The following GABRB1 variants were observed in gnomAD, a reference collection of about 807,000 sequenced individuals.
The protein encoded by GABRB1 is gamma-aminobutyric acid receptor subunit beta-1.
A neutral mutation model predicts 51.6 loss-of-function variants in GABRB1; 17 were observed. The observed-to-expected ratio is 0.33, with a 90% CI of 0.23 to 0.49. The LOEUF (loss-of-function observed/expected upper bound fraction) is 0.49. Among genes scored for constraint, GABRB1 ranks in the 20% least tolerant of loss-of-function variants. The pLI is 0.99. For synonymous variants in GABRB1, 247 were observed against 218.9 expected (o/e 1.13, Z -1.14); for missense variants, 410 against 600.6 (o/e 0.68, Z 3.32).
chr4:47,176,983 T>C (rs1299503332), intron 4 of GABRB1, among the ~76,000 whole-genome samples: 1 of 152,150 alleles, frequency 6.6e-6, no homozygotes, highest in Non-Finnish European at 1.5e-5. Flanking sequence ...TAACTGAGCC[T>C]GAATTTGAAA....
chr4:47,050,823 C>T (rs961148381), intron 3 of GABRB1, among the ~76,000 whole-genome samples: 4 of 152,154 alleles, frequency 2.6e-5, no homozygotes, highest in African/African-American at 9.7e-5. Flanking sequence ...TGTTTCCTCT[C>T]TTGTCTTCCA....
chr4:47,080,298 G>GA (rs59818870), intron 3 of GABRB1, among the ~76,000 whole-genome samples: 70,011 of 140,924 alleles, frequency 0.5, 16,906 homozygotes, highest in African/African-American at 0.58. Flanking sequence ...AAAGAATGAA[G>GA]AAAAAAAAAA....
At chr4:47,125,716 C>T (rs1414915607) in intron 3 of GABRB1, among the ~76,000 whole-genome samples, 2 of 147,446 alleles carry the variant, frequency 1.4e-5, no homozygotes, top group East Asian at 2.0e-4. Context: ...CCACTACGCC[C>T]GGCTAATTTT....
At position 47,365,768 on chromosome 4, in the gene GABRB1, G is replaced by A. The variant is rs141979879; in HGVS notation, c.545-37550G>A. Among the ~76,000 whole-genome samples, 5 of 152,196 alleles carry A rather than the reference G, an allele frequency of 3.3e-5. No homozygotes were observed. The East Asian group carries it at 7.7e-4, about 23-fold the overall frequency. On this transcript the variant is annotated intron_variant, in intron 5 of 8. Coordinates refer to ENST00000295454, the MANE Select transcript of GABRB1 (RefSeq NM_000812.4). ...GACTCCATCCCTCTGCCAAGACCACGGCTCCTACCTGAGGGCCTTCTCCTG... is the reference window on the plus strand; with the variant it reads ...GACTCCATCCCTCTGCCAAGACCACAGCTCCTACCTGAGGGCCTTCTCCTG...
chr4:47,391,992 C>G (rs1267611806), intron 5 of GABRB1, among the ~76,000 whole-genome samples: 1 of 151,860 alleles, frequency 6.6e-6, no homozygotes, highest in African/African-American at 2.4e-5. Context: ...TACTACGTAA[C>G]TGACAGGATC....
chr4:47,235,689 A>G (rs1179521715), intron 4 of GABRB1, among the ~76,000 whole-genome samples: 1 of 152,072 alleles, frequency 6.6e-6, no homozygotes, highest in Non-Finnish European at 1.5e-5. Context: ...TAATTTTTTT[A>G]GTTCCCCCAA....
chr4:47,011,212 T>G (rs1291266090), intron 1 of GABRB1, among the ~76,000 whole-genome samples: 2 of 152,034 alleles, frequency 1.3e-5, no homozygotes, highest in African/African-American at 4.8e-5. Flanking sequence ...GGGACAAACT[T>G]CAAAGACTTT....
At chr4:47,390,340 G>C (rs1429676992) in intron 5 of GABRB1, among the ~76,000 whole-genome samples, 1 of 152,190 alleles carries the variant, frequency 6.6e-6, no homozygotes, top group Non-Finnish European at 1.5e-5. Context: ...GCCCACCCAT[G>C]GATTAGAAGC....
intron 5 of GABRB1, among the ~76,000 whole-genome samples, chr4:47,402,564 T>G (rs1167888749): frequency 6.6e-6 from 1 of 152,062 alleles, no homozygotes; most frequent in East Asian, 1.9e-4. Flanking sequence ...CAGGTGGGAG[T>G]AGAGTGAGAA....
At chr4:47,409,524 T>TTCTGCTCC (rs1170465667) in intron 8 of GABRB1, among the ~76,000 whole-genome samples, 59 of 152,348 alleles carry the variant, frequency 3.9e-4, no homozygotes, top group Admixed American at 3.3e-3. Context: ...TATGCCACTC[T>TTCTGCTCC]TCTGCTCCTC....
At chr4:47,187,890 C>T (rs2109778775) in intron 4 of GABRB1, among the ~76,000 whole-genome samples, 1 of 152,074 alleles carries the variant, frequency 6.6e-6, no homozygotes, top group East Asian at 1.9e-4. Context: ...ACCCGGAAGG[C>T]TCTTTCTCCA....
intron 5 of GABRB1, among the ~76,000 whole-genome samples, chr4:47,384,726 T>G (rs1227064375): frequency 2.0e-5 from 3 of 152,204 alleles, no homozygotes; most frequent in Non-Finnish European, 2.9e-5. Context: ...TGTTTCTATT[T>G]TACTTGTCCA....
chr4:47,271,133 G>C (rs187637513), intron 4 of GABRB1, among the ~76,000 whole-genome samples: 58 of 152,136 alleles, frequency 3.8e-4, no homozygotes, highest in Middle Eastern at 3.4e-3. Flanking sequence ...GAAAATGCAG[G>C]AAAATGTTAG....
At chr4:47,327,551 A>G (rs1268851320) in intron 5 of GABRB1, among the ~76,000 whole-genome samples, 1 of 152,140 alleles carries the variant, frequency 6.6e-6, no homozygotes, top group Non-Finnish European at 1.5e-5. Flanking sequence ...ACTATGACCA[A>G]GTTTTCAGAC....
At chr4:47,171,208 C>T (rs1718422524) in intron 4 of GABRB1, among the ~76,000 whole-genome samples, 2 of 151,260 alleles carry the variant, frequency 1.3e-5, no homozygotes, top group African/African-American at 4.9e-5. Flanking sequence ...ATAAGAGCTA[C>T]ATCTCCCCAA....
At chr4:47,211,715 G>A (rs1051857893) in intron 4 of GABRB1, among the ~76,000 whole-genome samples, 1 of 152,164 alleles carries the variant, frequency 6.6e-6, no homozygotes, top group Non-Finnish European at 1.5e-5. Flanking sequence ...GTTTCACTGT[G>A]CTAAAGTCAA....
intron 3 of GABRB1, among the ~76,000 whole-genome samples, chr4:47,126,600 C>T (rs545695697): frequency 6.6e-6 from 1 of 152,044 alleles, no homozygotes; most frequent in African/African-American, 2.4e-5. Context: ...TGCAGAAAAA[C>T]AAATATACAC....
intron 1 of GABRB1, among the ~76,000 whole-genome samples, chr4:47,007,002 T>A (rs1724421604): frequency 6.6e-6 from 1 of 152,084 alleles, no homozygotes; most frequent in African/African-American, 2.4e-5. Context: ...TAGCCAGGCA[T>A]GGTAGCATGT....
chr4:47,032,673 A>T, intron 3 of GABRB1, 189 bp downstream of exon 3: 1 of 718,610 alleles, frequency 1.4e-6, no homozygotes, highest in Non-Finnish European at 2.6e-6. Flanking sequence ...CACACGGGCT[A>T]CTGCGGTGTT....
Sources: gnomAD v4.1 joint callset for allele counts (sites outside exome capture counted in the v4.1 genomes callset) on GRCh38, gnomAD v4.1.1 for gene constraint, MANE v1.5 for transcripts, NCBI Gene and HGNC (gene_info 2026-07-23, HGNC 2026-07-21) for gene names.